LOXHD1: variants seen among roughly 807,000 people sequenced by gnomAD.
LOXHD1 encodes the protein lipoxygenase homology domain-containing protein 1.
In LOXHD1, 205 loss-of-function variants were observed where a neutral mutation model predicts 248.2. That is an observed-to-expected ratio of 0.83 (90% CI 0.74 to 0.93). The LOEUF (loss-of-function observed/expected upper bound fraction) is 0.93. Ranked by LOEUF, LOXHD1 falls within the 40% of genes least tolerant of loss-of-function variation. The probability of loss-of-function intolerance (pLI) is 0.00; values close to 1 mark genes in which losing one functional copy is unlikely to be tolerated. For missense variants in LOXHD1, 2,930 were observed against 2,971.6 expected (o/e 0.99, Z 0.33); for synonymous variants, 1,113 against 1,162.8 (o/e 0.96, Z 0.87).
intron 6 of LOXHD1, among the ~76,000 whole-genome samples, chr18:46,606,332 GTA>G (rs201318172): frequency 1.4e-5 from 2 of 140,204 alleles, no homozygotes; most frequent in African/African-American, 2.5e-5. Context: ...ATAGTATACT[GTA>G]TATATATACA....
intron 4 of LOXHD1, among the ~76,000 whole-genome samples, chr18:46,625,421 G>T (rs56140519): frequency 1.3e-5 from 2 of 151,320 alleles, no homozygotes; most frequent in South Asian, 2.1e-4. Flanking sequence ...TGGCTTCCCT[G>T]GGCCACACTG....
chr18:46,609,542 A>G (rs556869796), intron 6 of LOXHD1, among the ~76,000 whole-genome samples: 6 of 152,378 alleles, frequency 3.9e-5, no homozygotes, highest in East Asian at 3.9e-4. Flanking sequence ...TCAAAAATAT[A>G]TAACACATTA....
chr18:46,553,805 A>T (rs1347691748), intron 21 of LOXHD1, among the ~76,000 whole-genome samples: 1 of 152,222 alleles, frequency 6.6e-6, no homozygotes, highest in African/African-American at 2.4e-5. Flanking sequence ...GCTAGGCCTC[A>T]CTGAGAAGGT....
intron 8 of LOXHD1, among the ~76,000 whole-genome samples, chr18:46,594,837 A>C (rs1442116567): frequency 1.3e-5 from 2 of 152,226 alleles, no homozygotes; most frequent in African/African-American, 2.4e-5. Context: ...GGTAAGTCCC[A>C]TGCAAGCTAA....
chr18:46,552,968 A>G (rs558833751), intron 21 of LOXHD1, among the ~76,000 whole-genome samples: 1 of 152,244 alleles, frequency 6.6e-6, no homozygotes, highest in African/African-American at 2.4e-5. Context: ...CCAAGCACCA[A>G]ACAAGGCTGC....
intron 27 of LOXHD1, chr18:46,533,609 G>A (rs2036173827): frequency 5.1e-6 from 2 of 389,500 alleles, no homozygotes; most frequent in Non-Finnish European, 4.7e-6. Flanking sequence ...GTAAGAGGAG[G>A]GGGGTGCTCT....
rs759876017 is a variant in LOXHD1 at position 46,544,763 on chromosome 18, T to C, written c.3619+554A>G. ...CTCCATGCTCTCTACCAGCACATTGTTGTAGTAGATATGAGCACCCCATGG... is the reference window on the plus strand; with the variant it reads ...CTCCATGCTCTCTACCAGCACATTGCTGTAGTAGATATGAGCACCCCATGG... On this transcript the variant is annotated intron_variant, in intron 23 of 40. Transcript: ENST00000642948. 3.2e-5 allele frequency: 15 copies of C among 469,644 alleles called. 1 individual carries two copies. Among genetic ancestry groups the C allele is most frequent in the South Asian group, 2.2e-4 (14 of 64,246 alleles). The allele number at this position is 469,644 out of a possible 1,614,324, so 29.1% of individuals were successfully genotyped here.
rs1243212267 is a variant in LOXHD1, at chr18:46,542,798, A to G, written c.3677T>C (p.Ile1226Thr). The change falls in exon 24 of 41, where the codon ATT (isoleucine) becomes ACT (threonine). Residue 1226 changes from isoleucine (I) to threonine (T), a missense_variant. Coordinates refer to ENST00000642948, the MANE Select transcript of LOXHD1 (RefSeq NM_001384474.1). Reference sequence around the variant, plus strand: ...CAGCGTCTCCACCGTGAAGATTTCAATGCTGTCCCTCTCAAACTTATCGCT... The same window carrying G: ...CAGCGTCTCCACCGTGAAGATTTCAGTGCTGTCCCTCTCAAACTTATCGCT... The part of the protein sequence containing the change: ...TNSDKFERDS[I>T]EIFTVETLDL... 2.6e-6 allele frequency: 4 copies of G among 1,551,588 alleles called. No homozygotes were observed. Among genetic ancestry groups the G allele is most frequent in the African/African-American group, 2.7e-5 (2 of 73,016 alleles).
At chr18:46,525,071 G>A (rs371287158) in intron 29 of LOXHD1, among the ~76,000 whole-genome samples, 154 bp from the exon 30 acceptor site, 12 of 152,294 alleles carry the variant, frequency 7.9e-5, no homozygotes, top group African/African-American at 2.6e-4. Flanking sequence ...CCCCAACACC[G>A]AGCCTGTGGG....
chr18:46,497,976 A>G (rs1178299574), intron 37 of LOXHD1, among the ~76,000 whole-genome samples: 2 of 152,244 alleles, frequency 1.3e-5, no homozygotes, highest in Admixed American at 1.3e-4. Context: ...CTGGAATTAA[A>G]TGACAATTGC....
At chr18:46,534,044 A>T (rs2036197765) in intron 27 of LOXHD1, among the ~76,000 whole-genome samples, 1 of 152,186 alleles carries the variant, frequency 6.6e-6, no homozygotes. Flanking sequence ...ATGTGAGTTG[A>T]CCTTGAGTTA....
At chr18:46,560,971 T>C (rs935676967) in intron 18 of LOXHD1, among the ~76,000 whole-genome samples, 2 of 152,214 alleles carry the variant, frequency 1.3e-5, no homozygotes, top group Non-Finnish European at 1.5e-5. Context: ...TTCATTCAGG[T>C]TCCTGTGTTT....
chr18:46,610,794 T>C lies in LOXHD1; in HGVS notation c.741A>G (p.Ala247=). The C allele has an allele frequency of 6.4e-7, 1 of 1,551,468 alleles. No homozygotes were observed. Among genetic ancestry groups the C allele is most frequent in the Non-Finnish European group, 8.7e-7 (1 of 1,146,884 alleles). The part of the protein sequence containing the change: ...NVGHNNKGGS[A]GWFLSQIVIE... Reference sequence around the variant, plus strand: ...AACTCACCTGGGACAGGAACCAACCTGCAGAGCCCCCCTTATTGTTGTGGC... The same window carrying C: ...AACTCACCTGGGACAGGAACCAACCCGCAGAGCCCCCCTTATTGTTGTGGC... The change falls in exon 6 of 41, where the codon GCA becomes GCG. Residue 247 remains alanine (A), a synonymous_variant. Coordinates refer to ENST00000642948, the MANE Select transcript of LOXHD1 (RefSeq NM_001384474.1).
Position 46,595,626 on chromosome 18 carries a change from A to C in LOXHD1, c.1135-1160T>G, listed in dbSNP as rs143968124. The stretch of plus-strand genomic sequence containing the variant: ...CATCAGGAAGAACCTCAGAATTTCT[A>C]TTTGTGGCTGAGGTTCACTGGGATC... On this transcript the variant is annotated intron_variant, in intron 8 of 40. Coordinates refer to ENST00000642948, the MANE Select transcript of LOXHD1 (RefSeq NM_001384474.1). Among the ~76,000 whole-genome samples, 712 of 152,292 alleles carry C rather than the reference A, an allele frequency of 4.7e-3. 6 individuals are homozygous for C. The highest frequency in any genetic ancestry group is 0.016 in the African/African-American group (682 of 41,558).
chr18:46,535,581 TTTGTTG>T (rs59194307), intron 26 of LOXHD1, among the ~76,000 whole-genome samples: 30,999 of 128,802 alleles, frequency 0.24, 3,372 homozygotes, highest in Middle Eastern at 0.32. Context: ...TGCCTCTGTT[TTTGTTG>T]TTGTTGTTGT....
intron 34 of LOXHD1, among the ~76,000 whole-genome samples, chr18:46,512,627 T>C (rs771181588): frequency 2.0e-5 from 3 of 152,250 alleles, no homozygotes; most frequent in Non-Finnish European, 4.4e-5. Context: ...CTTAGACAGC[T>C]CTACTGATGG....
chr18:46,635,631 T>A (rs1432974016), intron 4 of LOXHD1, among the ~76,000 whole-genome samples: 1 of 152,234 alleles, frequency 6.6e-6, no homozygotes, highest in East Asian at 1.9e-4. Context: ...CATAAGATGC[T>A]AGCAATGCTA....
rs181233520 is a variant in LOXHD1 at position 46,477,378 on chromosome 18, A to G, written c.*94T>C. On this transcript the variant is annotated 3_prime_UTR_variant, in exon 41 of 41. Transcript: ENST00000642948. ...AGTGGACTGCTAGCCCCCAGTGCCA[A>G]TGCTAGAGGCTTTGAAGGGCTGCTG... 7.0e-5 allele frequency: 105 copies of G among 1,510,026 alleles called. 2 individuals carry two copies. The Middle Eastern group carries it at 1.4e-3, about 20-fold the overall frequency. 93.5% of individuals were successfully genotyped at this position (1,510,026 alleles called of 1,614,324 possible).
chr18:46,493,241 T>C (rs924602400), intron 37 of LOXHD1, among the ~76,000 whole-genome samples: 4 of 152,234 alleles, frequency 2.6e-5, no homozygotes, highest in African/African-American at 9.6e-5. Flanking sequence ...GTCAACACCA[T>C]CTCATCACTG....
Sources: gnomAD v4.1 joint callset for allele counts (sites outside exome capture counted in the v4.1 genomes callset) on GRCh38, gnomAD v4.1.1 for gene constraint, MANE v1.5 for transcripts, NCBI Gene and HGNC (gene_info 2026-07-23, HGNC 2026-07-21) for gene names.